The following MARCHF1 variants were observed in gnomAD, a reference collection of about 807,000 sequenced individuals.
The protein encoded by MARCHF1 is E3 ubiquitin-protein ligase MARCHF1.
A neutral mutation model predicts 54.2 loss-of-function variants in MARCHF1; 40 were observed. The observed-to-expected ratio is 0.74, with a 90% CI of 0.57 to 0.96. The LOEUF (loss-of-function observed/expected upper bound fraction) is 0.96. Among genes scored for constraint, MARCHF1 ranks in the 40% least tolerant of loss-of-function variants. MARCHF1 has a pLI of 0.00. For missense variants in MARCHF1, 586 were observed against 656.5 expected (o/e 0.89, Z 1.17); for synonymous variants, 236 against 236.3 (o/e 1.00, Z 0.01).
chr4:164,152,151 T>C lies in MARCHF1; in HGVS notation c.-322-40489A>G, dbSNP rs572303424. Among the ~76,000 whole-genome samples the C allele has an allele frequency of 2.0e-5, 3 of 152,312 alleles. 1 individual carries two copies. The South Asian group carries it at 6.2e-4, about 32-fold the overall frequency. On this transcript the variant is annotated intron_variant, in intron 1 of 9. Coordinates refer to ENST00000514618, the MANE Select transcript of MARCHF1 (RefSeq NM_001394959.1). ...GAAAATAAACAAATAAACATGTACC[T>C]ACATATATACATACATAAAGGATTG... is the stretch of plus-strand genomic sequence containing the variant.
rs1004293025 is a variant in MARCHF1 at position 164,383,866 on chromosome 4, T to C, written c.-323+4A>G. On this transcript the variant is annotated splice_donor_region_variant and intron_variant, in intron 1 of 9. Transcript: ENST00000514618. ...TTGAATGAATGATGTTTGCAGTCAC[T>C]TACCGGCGGAGGGTGAAGTAGCTCA... is the stretch of plus-strand genomic sequence containing the variant. The C allele has an allele frequency of 1.3e-5, 2 of 152,406 alleles. No individual in the cohort carries two copies. Among genetic ancestry groups the C allele is most frequent in the African/African-American group, 4.8e-5 (2 of 41,454 alleles). 9.4% of individuals were successfully genotyped at this position (152,406 alleles called of 1,614,324 possible). A position where few individuals can be genotyped will look rare whatever the true frequency, so the allele number is the denominator to read the frequency against.
Position 164,217,107 on chromosome 4 carries a change from T to A in MARCHF1, c.-322-105445A>T, listed in dbSNP as rs564452157. The stretch of plus-strand genomic sequence containing the variant: ...TTTACTAGAGATGATAATTTGTCAA[T>A]GTTTCAGCTGCTTGCCAATGATTTT... On this transcript the variant is annotated intron_variant, in intron 1 of 9. Transcript: ENST00000514618. Among the ~76,000 whole-genome samples the A allele has an allele frequency of 2.6e-5, 4 of 152,326 alleles. No individual in the cohort carries two copies. The South Asian group carries it at 8.3e-4, about 32-fold the overall frequency.
In MARCHF1 at chr4:164,165,480, T is replaced by C. The variant is rs115876879; in HGVS notation, c.-322-53818A>G. ...AGCCCTCAACACAACCAAGCCGTGCTGGCACCTTGATCTCACAATTCTACC... is the reference window on the plus strand; with the variant it reads ...AGCCCTCAACACAACCAAGCCGTGCCGGCACCTTGATCTCACAATTCTACC... On this transcript the variant is annotated intron_variant, in intron 1 of 9. Coordinates refer to ENST00000514618, the MANE Select transcript of MARCHF1 (RefSeq NM_001394959.1). 4.6e-3 allele frequency among the ~76,000 whole-genome samples: 699 copies of C among 152,052 alleles called. 6 individuals carry two copies. Among genetic ancestry groups the C allele is most frequent in the African/African-American group, 0.016 (644 of 41,516 alleles).
rs545893666 is a variant in MARCHF1 at position 163,731,807 on chromosome 4, G to A, written c.112-30944C>T. Among the ~76,000 whole-genome samples, 92 of 152,210 alleles carry A rather than the reference G, an allele frequency of 6.0e-4. 1 individual carries two copies. Among genetic ancestry groups the A allele is most frequent in the East Asian group, 2.5e-3 (13 of 5,182 alleles). ...ACCTGAATGGGTAATCTTATAATTC[G>A]CAAGGAATCAGCTAAAGTATTAAGG... On this transcript the variant is annotated intron_variant, in intron 4 of 9. Transcript: ENST00000514618.
At chr4:163,661,270 C>T (rs1164767833) in intron 5 of MARCHF1, among the ~76,000 whole-genome samples, 2 of 152,036 alleles carry the variant, frequency 1.3e-5, no homozygotes, top group Admixed American at 6.6e-5. Flanking sequence ...ATTCATCCCT[C>T]ATCTTGCTAG....
At chr4:164,017,744 A>G (rs947242861) in intron 2 of MARCHF1, among the ~76,000 whole-genome samples, 1 of 151,652 alleles carries the variant, frequency 6.6e-6, no homozygotes, top group Non-Finnish European at 1.5e-5. Flanking sequence ...TATAGATTCA[A>G]TGCAGTAACA....
At chr4:163,695,615 G>A (rs1408441501) in intron 5 of MARCHF1, among the ~76,000 whole-genome samples, 2 of 152,116 alleles carry the variant, frequency 1.3e-5, no homozygotes, top group East Asian at 3.9e-4. Flanking sequence ...TAAGCTAGTG[G>A]CTTTTGAATT....
chr4:164,064,525 G>A (rs1754687130), intron 2 of MARCHF1, among the ~76,000 whole-genome samples: 1 of 152,114 alleles, frequency 6.6e-6, no homozygotes, highest in Non-Finnish European at 1.5e-5. Flanking sequence ...TGCTGAAGTT[G>A]CTTATCAGCT....
At chr4:164,110,474 A>C (rs1044733676) in intron 2 of MARCHF1, among the ~76,000 whole-genome samples, 1 of 151,812 alleles carries the variant, frequency 6.6e-6, no homozygotes, top group African/African-American at 2.4e-5. Flanking sequence ...AAAAATTTCT[A>C]AAATCTATTC....
chr4:163,669,659 C>T (rs1743662268), intron 5 of MARCHF1, among the ~76,000 whole-genome samples: 1 of 150,620 alleles, frequency 6.6e-6, no homozygotes, highest in African/African-American at 2.4e-5. Context: ...AGTGCAATGG[C>T]ACAATCTTGG....
At chr4:164,059,292 T>G (rs1754563412) in intron 2 of MARCHF1, among the ~76,000 whole-genome samples, 1 of 152,226 alleles carries the variant, frequency 6.6e-6, no homozygotes, top group Non-Finnish European at 1.5e-5. Flanking sequence ...TTCCAGGCAT[T>G]GATTCAGTTT....
chr4:164,121,560 C>T (rs1756067339), intron 1 of MARCHF1, among the ~76,000 whole-genome samples: 1 of 152,050 alleles, frequency 6.6e-6, no homozygotes, highest in African/African-American at 2.4e-5. Context: ...GGGAATCCAC[C>T]CCCATGATTC....
rs149156957 is a variant in MARCHF1, at chr4:163,969,175, A to T, written c.-39+19326T>A. On this transcript the variant is annotated intron_variant, in intron 3 of 9. Coordinates refer to ENST00000514618, the MANE Select transcript of MARCHF1 (RefSeq NM_001394959.1). ...CAAAATGTAGCTCATACACTGCCAG[A>T]GAAAGGAAGATCACATTTTCCCTCT... 1.9e-3 allele frequency among the ~76,000 whole-genome samples: 282 copies of T among 152,318 alleles called. 1 individual carries two copies. The highest frequency in any genetic ancestry group is 6.6e-3 in the African/African-American group (275 of 41,580).
At chr4:164,064,191 C>G (rs1222733612) in intron 2 of MARCHF1, among the ~76,000 whole-genome samples, 1 of 152,106 alleles carries the variant, frequency 6.6e-6, no homozygotes, top group Non-Finnish European at 1.5e-5. Flanking sequence ...TTCTCTAGTT[C>G]TGTGAAGAAT....
At chr4:164,335,280 C>T (rs1220158276) in intron 1 of MARCHF1, among the ~76,000 whole-genome samples, 1 of 152,112 alleles carries the variant, frequency 6.6e-6, no homozygotes, top group African/African-American at 2.4e-5. Context: ...GAAAAAAATT[C>T]ATTGTCGTAT....
At chr4:164,063,414 C>T (rs564931808) in intron 2 of MARCHF1, among the ~76,000 whole-genome samples, 2 of 152,334 alleles carry the variant, frequency 1.3e-5, no homozygotes, top group African/African-American at 4.8e-5. Flanking sequence ...TCCATCAACA[C>T]TTGAAGCTCC....
chr4:164,290,649 T>G (rs561704898), intron 1 of MARCHF1, among the ~76,000 whole-genome samples: 1 of 152,142 alleles, frequency 6.6e-6, no homozygotes, highest in South Asian at 2.1e-4. Context: ...TTATGTGGTT[T>G]AAAGATAAAA....
intron 4 of MARCHF1, among the ~76,000 whole-genome samples, chr4:163,711,098 G>A (rs1745093154): frequency 6.6e-6 from 1 of 151,618 alleles, no homozygotes; most frequent in Non-Finnish European, 1.5e-5. Context: ...TTTTGTAAAT[G>A]ACGTGTAATT....
rs551943292 is a variant in MARCHF1 at position 164,342,533 on chromosome 4, TAATAAA to T, written c.-323+41331_-323+41336del. Among the ~76,000 whole-genome samples, 1,248 of 147,734 alleles carry T rather than the reference TAATAAA, an allele frequency of 8.4e-3. 20 individuals are homozygous for T. Among genetic ancestry groups the T allele is most frequent in the African/African-American group, 0.029 (1,176 of 40,586 alleles). ...AAAACTTAAAGTATAATAATAATAA[TAATAAA>T]AAAATATTTAATAGGTTAAAAAATA... On this transcript the variant is annotated intron_variant, in intron 1 of 9. Transcript: ENST00000514618.
Sources: allele counts gnomAD v4.1 joint callset (sites outside exome capture counted in the v4.1 genomes callset), GRCh38; gene constraint gnomAD v4.1.1; transcripts MANE v1.5; gene names NCBI Gene and HGNC (gene_info 2026-07-23, HGNC 2026-07-21).